ZFP64: variants seen among roughly 807,000 people sequenced by gnomAD.
ZFP64 encodes the protein ZFP64 zinc finger protein.
A neutral mutation model predicts 51.6 loss-of-function variants in ZFP64; 14 were observed. The observed-to-expected ratio is 0.27, with a 90% CI of 0.18 to 0.42. ZFP64 has a LOEUF of 0.42. ZFP64 is among the 10% of genes least tolerant of loss of function. The probability of loss-of-function intolerance (pLI) is 1.00; values close to 1 mark genes in which losing one functional copy is unlikely to be tolerated. For missense variants in ZFP64, 754 were observed against 906.8 expected (o/e 0.83, Z 2.16); for synonymous variants, 375 against 361.4 (o/e 1.04, Z -0.43).
At chr20:52,112,069 G>A (rs894617175) in intron 5 of ZFP64, among the ~76,000 whole-genome samples, 8 of 129,592 alleles carry the variant, frequency 6.2e-5, no homozygotes, top group Non-Finnish European at 1.2e-4. Flanking sequence ...GCAACAGAGC[G>A]AGACTCTATC....
intron 2 of ZFP64, among the ~76,000 whole-genome samples, chr20:52,169,523 A>C (rs1021436011): frequency 7.9e-5 from 12 of 152,054 alleles, no homozygotes; most frequent in African/African-American, 2.9e-4. Flanking sequence ...ACTCTCTTGA[A>C]AGGTAGGTGG....
intron 6 of ZFP64, chr20:52,098,300 C>T (rs900313698): frequency 5.0e-6 from 6 of 1,208,288 alleles, no homozygotes; most frequent in Non-Finnish European, 5.7e-6. Flanking sequence ...CCAGGGAAGG[C>T]TGTTGTGTGC....
chr20:52,146,429 G>A (rs1980530179), downstream of ZFP64, among the ~76,000 whole-genome samples: 1 of 151,624 alleles, frequency 6.6e-6, no homozygotes, highest in African/African-American at 2.4e-5. Flanking sequence ...GTCCTTTGTA[G>A]GGACATGGAT....
In ZFP64 at chr20:52,158,550, C is replaced by CA. The variant is rs530715328; in HGVS notation, c.763+1572dup. Reference sequence around the variant, plus strand: ...GTGAAATCCCATCTCTACTAAAATACAAAAAATTAGCCAGGCATGGCAGTG... The same window carrying CA: ...GTGAAATCCCATCTCTACTAAAATACAAAAAAATTAGCCAGGCATGGCAGTG... On this transcript the variant is annotated intron_variant, in intron 5 of 5. Coordinates refer to ENST00000216923, the MANE Select transcript of ZFP64 (RefSeq NM_018197.3). Among the ~76,000 whole-genome samples, 291 of 152,036 alleles carry CA rather than the reference C, an allele frequency of 1.9e-3. 2 individuals carry two copies. Among genetic ancestry groups the CA allele is most frequent in the Non-Finnish European group, 3.7e-4 (25 of 67,970 alleles).
At chr20:52,177,446 C>A (rs1032866594) in intron 2 of ZFP64, among the ~76,000 whole-genome samples, 2 of 152,096 alleles carry the variant, frequency 1.3e-5, no homozygotes, top group African/African-American at 4.8e-5. Context: ...TTTTGGCCAG[C>A]AGGATCTGGA....
intron 4 of ZFP64, among the ~76,000 whole-genome samples, chr20:52,163,444 A>G (rs1273271369): frequency 6.6e-6 from 1 of 152,218 alleles, no homozygotes; most frequent in Non-Finnish European, 1.5e-5. Flanking sequence ...GATGGATGAA[A>G]CTTCAATATA....
intron 5 of ZFP64, among the ~76,000 whole-genome samples, chr20:52,116,742 A>G (rs539260016): frequency 5.9e-5 from 9 of 152,320 alleles, no homozygotes; most frequent in African/African-American, 2.2e-4. Flanking sequence ...CATAATATGT[A>G]TAACATAATT....
intron 5 of ZFP64, among the ~76,000 whole-genome samples, chr20:52,121,095 C>T (rs1466017824): frequency 6.6e-6 from 1 of 152,168 alleles, no homozygotes; most frequent in Non-Finnish European, 1.5e-5. Context: ...CTCCACTGAC[C>T]AGCCAGTCCC....
At chr20:52,098,733 G>T (rs376688947) in intron 5 of ZFP64, 10 of 1,064,590 alleles carry the variant, frequency 9.4e-6, no homozygotes, top group African/African-American at 1.6e-5. Flanking sequence ...ACCAGGCGGG[G>T]TGGCTCATGC....
At chr20:52,111,999 T>G (rs1223770782) in intron 5 of ZFP64, among the ~76,000 whole-genome samples, 1 of 150,980 alleles carries the variant, frequency 6.6e-6, no homozygotes, top group Non-Finnish European at 1.5e-5. Context: ...CGAGAATCGC[T>G]TGAACCCAGG....
At position 52,085,411 on chromosome 20, in the gene ZFP64, G is replaced by A. The variant is rs961614181; in HGVS notation, c.1229-145C>T. On this transcript the variant is annotated intron_variant, in intron 8 of 8. Coordinates refer to the ZFP64 transcript ENST00000361387. The surrounding 1 kb of genome is among the most constrained non-coding windows in gnomAD (Gnocchi z 4.3). ...ACCTCCTAATGACAACACTTGTTGT[G>A]CATATTAATGCAATCCTCACAACAA... 2 of 842,454 alleles carry A rather than the reference G, an allele frequency of 2.4e-6. No homozygotes were observed. Among genetic ancestry groups the A allele is most frequent in the African/African-American group, 3.4e-5 (2 of 58,322 alleles). The allele number at this position is 842,454 out of a possible 1,614,324, so 52.2% of individuals were successfully genotyped here.
At chr20:52,094,946 T>C (rs536637679) in intron 7 of ZFP64, among the ~76,000 whole-genome samples, 36 of 152,296 alleles carry the variant, frequency 2.4e-4, no homozygotes, top group African/African-American at 8.7e-4. Flanking sequence ...AGCATGCCCA[T>C]GACGGGGAAT....
intron 5 of ZFP64, among the ~76,000 whole-genome samples, chr20:52,121,121 T>G (rs1346091359): frequency 1.3e-5 from 2 of 152,190 alleles, no homozygotes; most frequent in African/African-American, 4.8e-5. Flanking sequence ...TCTCCTTTTC[T>G]TCGAGCCTTT....
rs965418484 is a variant in ZFP64 at position 52,191,621 on chromosome 20, C to T, written c.16G>A (p.Glu6Lys). 1 of 1,589,072 alleles carries T rather than the reference C, an allele frequency of 6.3e-7. No homozygotes were observed. Among genetic ancestry groups the T allele is most frequent in the Non-Finnish European group, 8.5e-7 (1 of 1,170,508 alleles). MNASS[E>K]GESFAGSVQI... ...ACCGAGCCCGCGAAGCTCTCGCCCT[C>T]GCTGCTCGCGTTCATGGCCGCAGAC... Residue 6 changes from glutamate to lysine, a missense_variant, in exon 1 of 6, where the codon GAG (glutamate) becomes AAG (lysine). Around this residue, in one of 3 missense-constraint regions of ZFP64, gnomAD observed 95 missense variants for 97.7 expected, o/e 0.97. Transcript: ENST00000216923. This position sits in a 1 kb window ranked among gnomAD's most constrained non-coding sequence, Gnocchi z 4.3.
intron 5 of ZFP64, chr20:52,105,506 CAG>C (rs1978307614): frequency 4.7e-6 from 2 of 424,548 alleles, no homozygotes; most frequent in Non-Finnish European, 7.6e-6. Flanking sequence ...GGCTCTACCC[CAG>C]ACCCGCTGAA....
chr20:52,133,405 G>T (rs1979815943), intron 5 of ZFP64, among the ~76,000 whole-genome samples: 1 of 151,980 alleles, frequency 6.6e-6, no homozygotes, highest in Admixed American at 6.6e-5. Flanking sequence ...TGGAAAGGAA[G>T]AAATCAAATT....
At chr20:52,158,314 T>G (rs938589726) in intron 5 of ZFP64, among the ~76,000 whole-genome samples, 3 of 152,226 alleles carry the variant, frequency 2.0e-5, no homozygotes, top group Non-Finnish European at 4.4e-5. Flanking sequence ...TCTTTAAGGC[T>G]GATCCTATGA....
intron 5 of ZFP64, among the ~76,000 whole-genome samples, chr20:52,118,944 G>A (rs546235116): frequency 2.0e-5 from 3 of 152,212 alleles, no homozygotes; most frequent in African/African-American, 7.2e-5. Context: ...GGAGTTAGAG[G>A]CTGGCTGGGG....
chr20:52,115,783 T>TCTC (rs1978833139), intron 5 of ZFP64, among the ~76,000 whole-genome samples: 1 of 143,332 alleles, frequency 7.0e-6, no homozygotes, highest in African/African-American at 2.5e-5. Context: ...GAACCTAAAT[T>TCTC]TCTCTCTCTC....
Sources: gnomAD v4.1 joint callset for allele counts (sites outside exome capture counted in the v4.1 genomes callset) on GRCh38, gnomAD v4.1.1 for gene constraint, gnomAD v4.1.1 regional missense constraint, Gnocchi (gnomAD v3.1) non-coding constraint, MANE v1.5 for transcripts, NCBI Gene and HGNC (gene_info 2026-07-23, HGNC 2026-07-21) for gene names.